The following GTF3C5 variants were observed in gnomAD, a reference collection of about 807,000 sequenced individuals.
GTF3C5 encodes the protein general transcription factor 3C polypeptide 5.
Under a neutral mutation model 61.0 loss-of-function variants are expected in GTF3C5, and 47 were observed. The ratio of observed to expected loss-of-function variants is 0.77; its 90% confidence interval spans 0.61 to 0.98. The LOEUF (loss-of-function observed/expected upper bound fraction) is 0.98. GTF3C5 is among the 50% of genes least tolerant of loss of function. GTF3C5 has a pLI of 0.00. For synonymous variants in GTF3C5, 295 were observed against 275.4 expected, an observed-to-expected ratio of 1.07 and a Z score of -0.71; for missense variants, 659 against 703.3, an observed-to-expected ratio of 0.94 and a Z score of 0.71.
At chr9:133,038,959 A>G (rs1849959475) in intron 1 of GTF3C5, among the ~76,000 whole-genome samples, 2 of 152,206 alleles carry the variant, frequency 1.3e-5, no homozygotes, top group African/African-American at 4.8e-5. Context: ...GATTAGAGGT[A>G]GTGATGGTTG....
intron 3 of GTF3C5, among the ~76,000 whole-genome samples, chr9:133,050,347 G>A (rs527464062): frequency 1.4e-4 from 21 of 152,342 alleles, no homozygotes; most frequent in Non-Finnish European, 2.5e-4. Context: ...TTTTGACAAC[G>A]GATTGCGTTC....
At chr9:133,043,631 C>A in intron 2 of GTF3C5, 97 bp from the exon 3 acceptor site, 5 of 948,346 alleles carry the variant, frequency 5.3e-6, no homozygotes, top group East Asian at 2.4e-5. Flanking sequence ...CACCACATGG[C>A]CCACTCAGCA....
At position 133,058,260 on chromosome 9, in the gene GTF3C5, C is replaced by T; in HGVS notation, c.*280C>T. 1 of 794,472 alleles carries T rather than the reference C, an allele frequency of 1.3e-6. No individual in the cohort carries two copies. The highest frequency in any genetic ancestry group is 2.6e-5 in the South Asian group (1 of 39,076). 49.2% of individuals were successfully genotyped at this position (794,472 alleles called of 1,614,324 possible). ...CAGCATCCAGCCAGTGAGTGGGCAC[C>T]CAATGCCTCTCAGGATGAGACCAGT... On this transcript the variant is annotated 3_prime_UTR_variant, in exon 11 of 11. Transcript: ENST00000372097.
At chr9:133,049,934 G>A (rs1192717318) in intron 3 of GTF3C5, among the ~76,000 whole-genome samples, 2 of 152,090 alleles carry the variant, frequency 1.3e-5, no homozygotes, top group South Asian at 2.1e-4. Flanking sequence ...ATGCTGAGAC[G>A]TCGTCACCCA....
At chr9:133,048,777 C>T (rs1588473612) in intron 3 of GTF3C5, among the ~76,000 whole-genome samples, 1 of 152,366 alleles carries the variant, frequency 6.6e-6, no homozygotes, top group Middle Eastern at 3.4e-3. Flanking sequence ...TGTTTCCAGC[C>T]CCTGGGGTAA....
chr9:133,057,239 C>T (rs1200181178), intron 10 of GTF3C5, among the ~76,000 whole-genome samples: 2 of 152,192 alleles, frequency 1.3e-5, no homozygotes, highest in East Asian at 1.9e-4. Context: ...GCTGTGCATG[C>T]GCAGGCTCTG....
chr9:133,036,398 G>A (rs1849860671), intron 1 of GTF3C5, among the ~76,000 whole-genome samples: 1 of 152,062 alleles, frequency 6.6e-6, no homozygotes, highest in Admixed American at 6.5e-5. Flanking sequence ...TCCCCCAAAG[G>A]TCAGCTTTCT....
Position 133,058,203 on chromosome 9 carries a change from T to TATAC in GTF3C5, c.*224_*227dup. 7.5e-7 allele frequency: 1 copy of TATAC among 1,331,568 alleles called. No individual in the cohort carries two copies. Among genetic ancestry groups the TATAC allele is most frequent in the Non-Finnish European group, 9.6e-7 (1 of 1,036,608 alleles). The allele number at this position is 1,331,568 out of a possible 1,614,324, so 82.5% of individuals were successfully genotyped here. Reference sequence around the variant, plus strand: ...AGGGGTTAGGGACATCCCCAAAGGGTATACCCTGGCTCTGCCACCCATGAA... The same window carrying TATAC: ...AGGGGTTAGGGACATCCCCAAAGGGTATACATACCCTGGCTCTGCCACCCATGAA... On this transcript the variant is annotated 3_prime_UTR_variant, in exon 11 of 11. Transcript: ENST00000372097.
Position 133,043,901 on chromosome 9 carries a change from T to C in GTF3C5, c.547T>C (p.Phe183Leu). 6.2e-7 allele frequency: 1 copy of C among 1,613,708 alleles called. No homozygotes were observed. The highest frequency in any genetic ancestry group is 8.5e-7 in the Non-Finnish European group (1 of 1,179,684). The stretch of plus-strand genomic sequence containing the variant: ...CCGGCTGGACGCCCCGGTGGACTAC[T>C]TCTACCGACCAGAGACCCAGCACCG... The part of the protein sequence containing the change: ...FSRLDAPVDY[F>L]YRPETQHREG... Residue 183 changes from phenylalanine (F) to leucine (L), a missense_variant, in exon 3 of 11, where the codon TTC becomes CTC. Transcript: ENST00000372097.
At chr9:133,043,303 C>G (rs1850092467) in intron 2 of GTF3C5, among the ~76,000 whole-genome samples, 2 of 152,200 alleles carry the variant, frequency 1.3e-5, no homozygotes. Context: ...TCTTGCTGCT[C>G]TGTGTGTGTC....
intron 6 of GTF3C5, 141 bp downstream of exon 6, chr9:133,054,083 T>C (rs1564203996): frequency 4.5e-6 from 3 of 667,132 alleles, no homozygotes; most frequent in Non-Finnish European, 7.7e-6. Context: ...CTCTTTTGAA[T>C]GCAGAATGGC....
At chr9:133,036,647 C>G (rs983359842) in intron 1 of GTF3C5, among the ~76,000 whole-genome samples, 1 of 152,202 alleles carries the variant, frequency 6.6e-6, no homozygotes, top group African/African-American at 2.4e-5. Context: ...AGTTCTTCAA[C>G]CTGGTGGATT....
At chr9:133,034,113 T>G (rs1016721006) in intron 1 of GTF3C5, among the ~76,000 whole-genome samples, 2 of 152,184 alleles carry the variant, frequency 1.3e-5, no homozygotes, top group African/African-American at 4.8e-5. Context: ...TTGGGGATTA[T>G]CTATAATTAG....
At chr9:133,039,714 G>A (rs1588465242) in intron 1 of GTF3C5, among the ~76,000 whole-genome samples, 2 of 152,218 alleles carry the variant, frequency 1.3e-5, no homozygotes, top group South Asian at 4.1e-4. Context: ...TGCTAAATGA[G>A]CCACCATGCC....
chr9:133,057,456 G>A (rs765797639), intron 10 of GTF3C5, among the ~76,000 whole-genome samples: 17 of 152,180 alleles, frequency 1.1e-4, no homozygotes, highest in Non-Finnish European at 2.2e-4. Flanking sequence ...ACCCAGCCAC[G>A]CCCCACAGAT....
At position 133,058,266 on chromosome 9, in the gene GTF3C5, CCT is replaced by C; in HGVS notation, c.*290_*291del. ...CCAGCCAGTGAGTGGGCACCCAATGCCTCTCAGGATGAGACCAGTAAATGCCG... is the reference window on the plus strand; with the variant it reads ...CCAGCCAGTGAGTGGGCACCCAATGCCTCAGGATGAGACCAGTAAATGCCG... On this transcript the variant is annotated 3_prime_UTR_variant, in exon 11 of 11. Transcript: ENST00000372097. 1.4e-6 allele frequency: 1 copy of C among 731,068 alleles called. No individual in the cohort carries two copies. The highest frequency in any genetic ancestry group is 1.8e-6 in the Non-Finnish European group (1 of 540,768). The allele number at this position is 731,068 out of a possible 1,614,324, so 45.3% of individuals were successfully genotyped here. A position where few individuals can be genotyped will look rare whatever the true frequency, so the allele number is the denominator to read the frequency against.
intron 1 of GTF3C5, among the ~76,000 whole-genome samples, chr9:133,033,230 T>C (rs1174397622): frequency 6.6e-6 from 1 of 152,134 alleles, no homozygotes; most frequent in Admixed American, 6.5e-5. Flanking sequence ...GTGGCATCTG[T>C]ATAAACACGA....
chr9:133,057,736 C>G (rs1005673400), intron 10 of GTF3C5, 78 bp from the exon 11 acceptor site: 18 of 1,394,290 alleles, frequency 1.3e-5, no homozygotes, highest in Non-Finnish European at 1.6e-5. Flanking sequence ...AAACAGGCTC[C>G]CCAGAGCCTG....
chr9:133,049,951 G>A (rs1212269776), intron 3 of GTF3C5, among the ~76,000 whole-genome samples: 2 of 152,164 alleles, frequency 1.3e-5, no homozygotes, highest in Admixed American at 6.5e-5. Context: ...CCCAGTGTCC[G>A]TAGTTGACAT....
Sources: allele counts gnomAD v4.1 joint callset (sites outside exome capture counted in the v4.1 genomes callset), GRCh38; gene constraint gnomAD v4.1.1; transcripts MANE v1.5; gene names NCBI Gene and HGNC (gene_info 2026-07-23, HGNC 2026-07-21).